Variants in ZFR2 observed in about 807,000 individuals in gnomAD.
ZFR2 encodes the protein zinc finger RNA binding protein 2.
In ZFR2, 104 loss-of-function variants were observed where a neutral mutation model predicts 105.7. The ratio of observed to expected loss-of-function variants is 0.98; its 90% CI spans 0.84 to 1.16. ZFR2 has a LOEUF of 1.16. ZFR2 is among the 50% of genes most tolerant of loss of function. ZFR2 has a pLI of 0.00. For missense variants in ZFR2, 1,425 were observed against 1,355.5 expected, an observed-to-expected ratio of 1.05 and a Z score of -0.80; for synonymous variants, 634 against 597.7, an observed-to-expected ratio of 1.06 and a Z score of -0.89.
At chr19:3,827,233 C>G (rs1021861102) in intron 6 of ZFR2, among the ~76,000 whole-genome samples, 6 of 152,180 alleles carry the variant, frequency 3.9e-5, no homozygotes, top group Non-Finnish European at 8.8e-5. Context: ...CAGGACGAGA[C>G]TTTGTCCCCA....
Position 3,823,092 on chromosome 19 carries a change from G to A in ZFR2, c.1371+154C>T, listed in dbSNP as rs181069540. Among the ~76,000 whole-genome samples the A allele has an allele frequency of 3.5e-4, 53 of 152,320 alleles. 1 individual carries two copies. Among genetic ancestry groups the A allele is most frequent in the South Asian group, 6.2e-4 (3 of 4,824 alleles). ...CCCAAAGTGTCAAGCGGGTCTGCAC[G>A]GGGTTTTGGTCCATGGAGGTCTGGC... On this transcript the variant is annotated intron_variant, in intron 8 of 18. Transcript: ENST00000262961. This position sits in a 1 kb window ranked among gnomAD's most constrained non-coding sequence, Gnocchi z 5.4.
chr19:3,857,866 C>G (rs1173623560), intron 1 of ZFR2, among the ~76,000 whole-genome samples: 1 of 152,094 alleles, frequency 6.6e-6, no homozygotes, highest in Non-Finnish European at 1.5e-5. Flanking sequence ...ACAACAAGCA[C>G]GCGCTGGTGC....
At chr19:3,829,440 G>A (rs917273133) in intron 5 of ZFR2, among the ~76,000 whole-genome samples, 3 of 152,028 alleles carry the variant, frequency 2.0e-5, no homozygotes, top group South Asian at 2.1e-4. Flanking sequence ...GATTATGGGG[G>A]ACTATAGGTA....
chr19:3,821,536 A>G, intron 9 of ZFR2, 57 bp from the exon 10 acceptor site: 5 of 1,470,518 alleles, frequency 3.4e-6, no homozygotes, highest in Non-Finnish European at 4.6e-6. Context: ...CAGGGATGCC[A>G]GGAGGATCTT....
At chr19:3,820,046 A>C in intron 11 of ZFR2, 136 bp downstream of exon 11, 4 of 800,790 alleles carry the variant, frequency 5.0e-6, no homozygotes, top group South Asian at 5.0e-5. Flanking sequence ...TGGAGTGAGG[A>C]GGCCTGGGCC....
chr19:3,861,477 T>G (rs1422252956), intron 1 of ZFR2, among the ~76,000 whole-genome samples: 1 of 148,378 alleles, frequency 6.7e-6, no homozygotes, highest in African/African-American at 2.5e-5. Context: ...AATACAACAT[T>G]TAGCCTGGTG....
intron 3 of ZFR2, among the ~76,000 whole-genome samples, chr19:3,833,062 CAT>C (rs2038036384): frequency 6.6e-6 from 1 of 151,408 alleles, no homozygotes; most frequent in South Asian, 2.1e-4. Context: ...GCCTGGCTAA[CAT>C]AGTGAAACCC....
In ZFR2 at chr19:3,806,003, C is replaced by T. The variant is rs2037691855; in HGVS notation, c.2766G>A (p.Glu922=). The T allele has an allele frequency of 6.5e-7, 1 of 1,546,882 alleles. No homozygotes were observed. Among genetic ancestry groups the T allele is most frequent in the Admixed American group, 2.0e-5 (1 of 51,194 alleles). Residue 922 remains glutamate (E), a synonymous_variant, in exon 19 of 19, where the codon GAG becomes GAA. Coordinates refer to ENST00000262961, the MANE Select transcript of ZFR2 (RefSeq NM_015174.2). The part of the protein sequence containing the change: ...RKRQRGPGEG[E]EGAGEKKRGR... ...CCCGCTTCTTCTCCCCTGCGCCCTCCTCTCCCTCGCCAGGTCCCCGTTGCC... is the reference window on the plus strand; with the variant it reads ...CCCGCTTCTTCTCCCCTGCGCCCTCTTCTCCCTCGCCAGGTCCCCGTTGCC...
rs184506880 is a variant in ZFR2, at chr19:3,847,606, A to T, written c.54-12623T>A. 8.9e-4 allele frequency among the ~76,000 whole-genome samples: 136 copies of T among 152,308 alleles called. 1 individual carries two copies. Among genetic ancestry groups the T allele is most frequent in the Non-Finnish European group, 2.9e-4 (20 of 68,020 alleles). ...AGCATAACTTCTGCCACATTCCATT[A>T]ATTAGAAGCGAATCACCGAATCCGA... On this transcript the variant is annotated intron_variant, in intron 1 of 18. Transcript: ENST00000262961.
At chr19:3,849,560 C>T (rs1375982828) in intron 1 of ZFR2, among the ~76,000 whole-genome samples, 1 of 152,248 alleles carries the variant, frequency 6.6e-6, no homozygotes, top group Non-Finnish European at 1.5e-5. Context: ...CAAATGTTCC[C>T]AGACCTTGAC....
At chr19:3,820,431 G>T in intron 10 of ZFR2, 141 bp from the exon 11 acceptor site, 1 of 789,364 alleles carries the variant, frequency 1.3e-6, no homozygotes, top group Non-Finnish European at 2.0e-6. Context: ...GCACTGCATG[G>T]GTGCCTGCTG....
intron 1 of ZFR2, among the ~76,000 whole-genome samples, chr19:3,837,765 A>G (rs1197256322): frequency 2.0e-5 from 3 of 149,220 alleles, no homozygotes; most frequent in Non-Finnish European, 4.5e-5. Context: ...CACCATGACT[A>G]TGGGACACCC....
At chr19:3,844,229 G>C (rs1328716829) in intron 1 of ZFR2, among the ~76,000 whole-genome samples, 1 of 151,944 alleles carries the variant, frequency 6.6e-6, no homozygotes, top group Non-Finnish European at 1.5e-5. Flanking sequence ...ATAATAAAAA[G>C]CAAAGAAACC....
At position 3,808,129 on chromosome 19, in the gene ZFR2, G is replaced by A. The variant is rs1410764778; in HGVS notation, c.2545+743C>T. On this transcript the variant is annotated intron_variant, in intron 17 of 18. Transcript: ENST00000262961. ...TGTGCTCATATCCATATGTGTGCCC[G>A]TGCGTATGTGTGCCCGTGTGTGCAA... 1.3e-4 allele frequency among the ~76,000 whole-genome samples: 19 copies of A among 148,780 alleles called. No homozygotes were observed. In the East Asian group the frequency reaches 1.4e-3, roughly 11 times the overall value.
chr19:3,809,406 G>C (rs1248493035), intron 16 of ZFR2, among the ~76,000 whole-genome samples: 2 of 152,130 alleles, frequency 1.3e-5, no homozygotes, highest in Non-Finnish European at 2.9e-5. Context: ...GCCCGCCTCA[G>C]CTGAGGGGAA....
chr19:3,852,487 T>C, intron 1 of ZFR2: 1 of 718,596 alleles, frequency 1.4e-6, no homozygotes, highest in Non-Finnish European at 2.6e-6. Flanking sequence ...ATGGAGCAGA[T>C]GCAGGCAAGG....
chr19:3,832,682 G>A (rs1463640064), intron 3 of ZFR2, among the ~76,000 whole-genome samples: 1 of 150,826 alleles, frequency 6.6e-6, no homozygotes, highest in Non-Finnish European at 1.5e-5. Context: ...CTGCTGCCCA[G>A]GCTGGAGTGC....
chr19:3,866,241 T>C (rs1599261855), intron 1 of ZFR2, among the ~76,000 whole-genome samples: 2 of 152,218 alleles, frequency 1.3e-5, no homozygotes, highest in Middle Eastern at 3.2e-3. Flanking sequence ...ATAATGCCTA[T>C]CATCTTGTTT....
intron 16 of ZFR2, among the ~76,000 whole-genome samples, 163 bp downstream of exon 16, chr19:3,810,587 C>A (rs764622031): frequency 4.0e-4 from 61 of 152,366 alleles, no homozygotes; most frequent in Non-Finnish European, 4.4e-4. Flanking sequence ...AGGGCCGTCT[C>A]CCCCGCAAGG....
Sources: allele counts gnomAD v4.1 joint callset (sites outside exome capture counted in the v4.1 genomes callset), GRCh38; gene constraint gnomAD v4.1.1; non-coding constraint Gnocchi (gnomAD v3.1); transcripts MANE v1.5; gene names NCBI Gene and HGNC (gene_info 2026-07-23, HGNC 2026-07-21).